Variants in ARL6 observed in about 807,000 individuals in gnomAD.
The protein encoded by ARL6 is ARF like GTPase 6, also known as ADP-ribosylation factor-like protein 6.
In ARL6, 18 loss-of-function variants were observed where a neutral mutation model predicts 27.1. That is an observed-to-expected ratio of 0.66 (90% CI 0.46 to 0.98). The LOEUF is 0.98. Ranked by LOEUF, ARL6 falls within the 50% of genes least tolerant of loss-of-function variation. The probability of loss-of-function intolerance (pLI) is 0.00; values close to 1 mark genes in which losing one functional copy is unlikely to be tolerated. For missense variants in ARL6, 187 were observed against 214.9 expected, an observed-to-expected ratio of 0.87 and a Z score of 0.81; for synonymous variants, 65 against 72.3, an observed-to-expected ratio of 0.90 and a Z score of 0.51.
At chr3:97,774,451 G>T (rs758506905) in intron 2 of ARL6, among the ~76,000 whole-genome samples, 1 of 152,012 alleles carries the variant, frequency 6.6e-6, no homozygotes, top group African/African-American at 2.4e-5. Context: ...CCCAGGCAGC[G>T]CAGGGTTTAT....
At chr3:97,771,776 A>G (rs1359961004) in intron 2 of ARL6, among the ~76,000 whole-genome samples, 1 of 152,054 alleles carries the variant, frequency 6.6e-6, no homozygotes, top group Admixed American at 6.5e-5. Flanking sequence ...AGTTTTTTCA[A>G]CGTCTATTTA....
At chr3:97,781,376 C>A (rs373659824) in intron 4 of ARL6, among the ~76,000 whole-genome samples, 3 of 150,558 alleles carry the variant, frequency 2.0e-5, no homozygotes, top group Middle Eastern at 3.4e-3. Flanking sequence ...AATTGTAGAT[C>A]AAAAATATTT....
intron 5 of ARL6, among the ~76,000 whole-genome samples, chr3:97,786,329 G>A (rs959879150): frequency 6.7e-6 from 1 of 150,058 alleles, no homozygotes; most frequent in Non-Finnish European, 1.5e-5. Flanking sequence ...AGGAGACTCT[G>A]TCTCAAAAAA....
chr3:97,782,177 T>G (rs2037229860), intron 4 of ARL6, among the ~76,000 whole-genome samples: 1 of 151,982 alleles, frequency 6.6e-6, no homozygotes, highest in Non-Finnish European at 1.5e-5. Context: ...GTTTGTGTGT[T>G]TAGGAAACCT....
intron 7 of ARL6, among the ~76,000 whole-genome samples, 157 bp from the exon 8 acceptor site, chr3:97,797,867 G>A (rs1319649637): frequency 6.6e-6 from 1 of 151,964 alleles, no homozygotes; most frequent in Non-Finnish European, 1.5e-5. Context: ...GTACAGCCTG[G>A]GCCACATAGC....
chr3:97,777,571 A>T (rs1321507033), intron 2 of ARL6, among the ~76,000 whole-genome samples: 1 of 152,026 alleles, frequency 6.6e-6, no homozygotes, highest in Non-Finnish European at 1.5e-5. Flanking sequence ...TATTATTTTC[A>T]ATTCATGTTG....
chr3:97,794,177 TTG>T (rs370867493), intron 7 of ARL6, among the ~76,000 whole-genome samples: 3,682 of 137,406 alleles, frequency 0.027, 91 homozygotes, highest in African/African-American at 0.068. Flanking sequence ...TTTCTTTCTT[TTG>T]TGTGTGTGTG....
intron 7 of ARL6, among the ~76,000 whole-genome samples, chr3:97,794,431 C>A (rs2037898526): frequency 6.6e-6 from 1 of 152,066 alleles, no homozygotes; most frequent in East Asian, 1.9e-4. Context: ...GAAGGCTGGT[C>A]TCGAACACCT....
At chr3:97,773,199 T>C (rs1406924008) in intron 2 of ARL6, among the ~76,000 whole-genome samples, 2 of 152,312 alleles carry the variant, frequency 1.3e-5, no homozygotes, top group East Asian at 3.9e-4. Context: ...TGGAGTCCGA[T>C]GTTCAAGGAC....
intron 6 of ARL6, 114 bp downstream of exon 6, chr3:97,788,233 A>C: frequency 8.9e-7 from 1 of 1,117,452 alleles, no homozygotes; most frequent in Non-Finnish European, 1.3e-6. Context: ...GTGGCATATA[A>C]GCTAAGGATT....
At chr3:97,775,057 A>G (rs909902401) in intron 2 of ARL6, among the ~76,000 whole-genome samples, 3 of 152,222 alleles carry the variant, frequency 2.0e-5, no homozygotes, top group Admixed American at 6.5e-5. Context: ...GCCAAGGACT[A>G]TCAGTGTTCT....
At chr3:97,767,050 G>T (rs115064475) in intron 1 of ARL6, among the ~76,000 whole-genome samples, 13 of 152,158 alleles carry the variant, frequency 8.5e-5, no homozygotes, top group Non-Finnish European at 1.3e-4. Flanking sequence ...TTACCACATA[G>T]CAAGTTTTAT....
intron 6 of ARL6, among the ~76,000 whole-genome samples, chr3:97,790,993 G>T (rs2037705902): frequency 6.6e-6 from 1 of 151,918 alleles, no homozygotes; most frequent in Non-Finnish European, 1.5e-5. Context: ...CTTTTAAAAA[G>T]ATTATCTGAT....
chr3:97,773,441 A>G (rs750511973), intron 2 of ARL6, among the ~76,000 whole-genome samples: 11 of 152,068 alleles, frequency 7.2e-5, no homozygotes, highest in Admixed American at 2.0e-4. Flanking sequence ...ACTCAATCCA[A>G]TCAAGTTGAC....
At chr3:97,797,043 T>A (rs1461553622) in intron 7 of ARL6, among the ~76,000 whole-genome samples, 1 of 151,900 alleles carries the variant, frequency 6.6e-6, no homozygotes, top group Non-Finnish European at 1.5e-5. Flanking sequence ...AATTGAGGGA[T>A]CATGAGACAG....
At chr3:97,791,888 T>G (rs1413505698) in intron 7 of ARL6, 62 bp downstream of exon 7, 2 of 1,414,166 alleles carry the variant, frequency 1.4e-6, no homozygotes, top group Admixed American at 1.8e-5. Flanking sequence ...ATTTTTATCT[T>G]TTTTTACATT....
intron 5 of ARL6, among the ~76,000 whole-genome samples, chr3:97,785,790 T>C (rs2037431044): frequency 6.6e-6 from 1 of 152,134 alleles, no homozygotes; most frequent in Non-Finnish European, 1.5e-5. Context: ...CCAGTAAGTA[T>C]TGTGGAACTC....
chr3:97,787,141 T>C (rs2037496792), intron 5 of ARL6, among the ~76,000 whole-genome samples: 1 of 152,152 alleles, frequency 6.6e-6, no homozygotes, highest in African/African-American at 2.4e-5. Flanking sequence ...GTTGTAAAGA[T>C]TGGTAACAGG....
chr3:97,795,376 A>G (rs1322437769), intron 7 of ARL6, among the ~76,000 whole-genome samples: 1 of 152,238 alleles, frequency 6.6e-6, no homozygotes, highest in Non-Finnish European at 1.5e-5. Flanking sequence ...GTCTGCATGG[A>G]AAAAGTTAAT....
Sources: gnomAD v4.1 joint callset for allele counts (sites outside exome capture counted in the v4.1 genomes callset) on GRCh38, gnomAD v4.1.1 for gene constraint, MANE v1.5 for transcripts, NCBI Gene and HGNC (gene_info 2026-07-23, HGNC 2026-07-21) for gene names.